XRN1: variants seen among roughly 807,000 people sequenced by gnomAD.
XRN1 encodes strand-exchange protein 1 homolog.
Under a neutral mutation model 222.3 loss-of-function variants are expected in XRN1, and 67 were observed. The ratio of observed to expected loss-of-function variants is 0.30; its 90% CI spans 0.25 to 0.37. XRN1 has a LOEUF of 0.37. Among genes scored for constraint, XRN1 ranks in the 10% least tolerant of loss-of-function variants. The probability of loss-of-function intolerance (pLI) is 1.00; values close to 1 mark genes in which losing one functional copy is unlikely to be tolerated. For missense variants in XRN1, 1,707 were observed against 2,000.2 expected, an observed-to-expected ratio of 0.85 and a Z score of 2.80; for synonymous variants, 643 against 652.4, an observed-to-expected ratio of 0.99 and a Z score of 0.22.
chr3:142,401,308 C>T (rs2068120150), intron 18 of XRN1, among the ~76,000 whole-genome samples: 1 of 152,180 alleles, frequency 6.6e-6, no homozygotes, highest in Non-Finnish European at 1.5e-5. Flanking sequence ...ATAACATCTA[C>T]CTTACAATGT....
At chr3:142,428,885 T>A (rs1227961087) in intron 2 of XRN1, among the ~76,000 whole-genome samples, 1 of 151,750 alleles carries the variant, frequency 6.6e-6, no homozygotes, top group Non-Finnish European at 1.5e-5. Context: ...AAATTTGGAG[T>A]CATCAGCAGA....
chr3:142,431,875 T>TA (rs1553744626), intron 2 of XRN1, among the ~76,000 whole-genome samples: 10 of 32,100 alleles, frequency 3.1e-4, no homozygotes, highest in African/African-American at 1.2e-3. Context: ...ATATATTATA[T>TA]TATATATATT....
intron 28 of XRN1, 36 bp downstream of exon 28, chr3:142,365,274 A>G (rs1480105622): frequency 5.7e-6 from 9 of 1,581,968 alleles, no homozygotes; most frequent in Middle Eastern, 1.7e-4. Flanking sequence ...TTCAAAGTGA[A>G]AGCAACAACT....
At chr3:142,326,870 T>C (rs963762991) in intron 37 of XRN1, among the ~76,000 whole-genome samples, 5 of 152,152 alleles carry the variant, frequency 3.3e-5, no homozygotes, top group Admixed American at 6.5e-5. Context: ...TCAGTTAGTA[T>C]TGAAATGATC....
chr3:142,433,027 AATC>A (rs1365132269), intron 1 of XRN1, 134 bp from the exon 2 acceptor site: 17 of 680,416 alleles, frequency 2.5e-5, no homozygotes, highest in Non-Finnish European at 3.0e-5. Flanking sequence ...CTGAGTAAAC[AATC>A]ACAGATGAAT....
chr3:142,370,282 C>T (rs2066950252), intron 27 of XRN1, among the ~76,000 whole-genome samples: 1 of 152,000 alleles, frequency 6.6e-6, no homozygotes, highest in Non-Finnish European at 1.5e-5. Flanking sequence ...TAGTGCTATA[C>T]AATATAAATT....
At chr3:142,368,448 C>A (rs1202718436) in intron 27 of XRN1, among the ~76,000 whole-genome samples, 1 of 152,202 alleles carries the variant, frequency 6.6e-6, no homozygotes, top group East Asian at 1.9e-4. Context: ...TGCACTCAGC[C>A]TATATGCACA....
Position 142,383,402 on chromosome 3 carries a change from A to C in XRN1, c.2514T>G (p.Ala838=), listed in dbSNP as rs749814729. Residue 838 remains alanine (A), a synonymous_variant, in exon 22 of 41, where the codon GCT becomes GCG. Coordinates refer to ENST00000392981, the MANE Select transcript of XRN1 (RefSeq NM_001282857.2). The part of the protein sequence containing the change: ...VYQTIVKDIR[A]FDSRFSNIKT... ...TGATATTGGAGAAACGGGAGTCGAA[A>C]GCTCGGATGTCCTACATAAAATAAA... The C allele has an allele frequency of 6.2e-7, 1 of 1,612,648 alleles. No individual in the cohort carries two copies. The highest frequency in any genetic ancestry group is 8.5e-7 in the Non-Finnish European group (1 of 1,179,314).
intron 27 of XRN1, among the ~76,000 whole-genome samples, chr3:142,366,983 G>A (rs945114127): frequency 3.9e-5 from 6 of 152,118 alleles, no homozygotes; most frequent in Non-Finnish European, 7.4e-5. Context: ...TCACCTAAGA[G>A]CTTATTAGAA....
chr3:142,407,359 A>G (rs1390942835), intron 15 of XRN1, among the ~76,000 whole-genome samples: 1 of 152,122 alleles, frequency 6.6e-6, no homozygotes, highest in East Asian at 1.9e-4. Flanking sequence ...TTGATGGAGT[A>G]TCACTCTGTC....
At chr3:142,329,715 T>C in intron 36 of XRN1, 100 bp from the exon 37 acceptor site, 1 of 1,196,800 alleles carries the variant, frequency 8.4e-7, no homozygotes, top group South Asian at 1.8e-5. Flanking sequence ...AGGAAACTGC[T>C]AAAAAGTGAA....
intron 2 of XRN1, among the ~76,000 whole-genome samples, chr3:142,431,877 A>G (rs372469931): frequency 4.7e-4 from 22 of 47,268 alleles, no homozygotes; most frequent in African/African-American, 2.2e-3. Flanking sequence ...ATATTATATT[A>G]TATATATTAT....
intron 25 of XRN1, among the ~76,000 whole-genome samples, chr3:142,375,167 C>T (rs777790710): frequency 2.0e-5 from 3 of 152,120 alleles, no homozygotes; most frequent in Non-Finnish European, 4.4e-5. Flanking sequence ...GTTGTTTAAG[C>T]CACCCAGTTC....
rs1406821452 is a variant in XRN1 at position 142,365,300 on chromosome 3, G to A, written c.3261+10C>T. ...AGCAACAACTCTGAATTCTTTGATA[G>A]GAAACTTACTCTGTATAGCAAATGG... On this transcript the variant is annotated intron_variant, in intron 28 of 40. Coordinates refer to ENST00000392981, the MANE Select transcript of XRN1 (RefSeq NM_001282857.2). 1.9e-6 allele frequency: 3 copies of A among 1,591,112 alleles called. No homozygotes were observed. Among genetic ancestry groups the A allele is most frequent in the South Asian group, 2.4e-5 (2 of 84,276 alleles).
chr3:142,340,626 T>G (rs2065967932), intron 33 of XRN1, among the ~76,000 whole-genome samples: 1 of 151,990 alleles, frequency 6.6e-6, no homozygotes, highest in African/African-American at 2.4e-5. Context: ...AAGCATTTAA[T>G]AATCAAACTC....
intron 37 of XRN1, among the ~76,000 whole-genome samples, chr3:142,327,155 T>C (rs1268410284): frequency 1.3e-5 from 2 of 152,126 alleles, no homozygotes; most frequent in Non-Finnish European, 1.5e-5. Context: ...CTCCTCAAGT[T>C]TTTGGAACAG....
chr3:142,339,993 G>T (rs2065947318), intron 33 of XRN1, among the ~76,000 whole-genome samples: 1 of 152,162 alleles, frequency 6.6e-6, no homozygotes, highest in Non-Finnish European at 1.5e-5. Context: ...ACTGAAAAAT[G>T]TATCAGAGTC....
intron 31 of XRN1, among the ~76,000 whole-genome samples, 156 bp from the exon 32 acceptor site, chr3:142,355,652 G>C (rs1368471381): frequency 2.6e-5 from 4 of 151,922 alleles, no homozygotes; most frequent in Admixed American, 6.6e-5. Flanking sequence ...GTGGGGTCTT[G>C]CTCATGTCGC....
intron 15 of XRN1, among the ~76,000 whole-genome samples, 196 bp downstream of exon 15, chr3:142,412,348 T>C (rs1026014344): frequency 6.6e-6 from 1 of 152,222 alleles, no homozygotes; most frequent in Non-Finnish European, 1.5e-5. Flanking sequence ...AGGACTACTT[T>C]GTCTAATAAT....
Sources: gnomAD v4.1 joint callset for allele counts (sites outside exome capture counted in the v4.1 genomes callset) on GRCh38, gnomAD v4.1.1 for gene constraint, MANE v1.5 for transcripts, NCBI Gene and HGNC (gene_info 2026-07-23, HGNC 2026-07-21) for gene names.